The following RIMS3 variants were observed in gnomAD, a reference collection of about 807,000 sequenced individuals.
The protein encoded by RIMS3 is regulating synaptic membrane exocytosis 3.
In RIMS3, 15 loss-of-function variants were observed where a neutral mutation model predicts 29.2. That is an observed-to-expected ratio of 0.51 (90% CI 0.34 to 0.79). The LOEUF (loss-of-function observed/expected upper bound fraction) is 0.79, where lower values mean the gene tolerates loss of function less well. RIMS3 is among the 30% of genes least tolerant of loss of function. RIMS3 has a pLI of 0.01. For synonymous variants in RIMS3, 161 were observed against 170.1 expected (o/e 0.95, Z 0.41); for missense variants, 342 against 421.4 (o/e 0.81, Z 1.65).
At chr1:40,666,841 A>G (rs556233583), upstream of RIMS3, among the ~76,000 whole-genome samples, 1 of 152,264 alleles carries the variant, frequency 6.6e-6, no homozygotes, top group Non-Finnish European at 1.5e-5. Flanking sequence ...CCTGGCCAAC[A>G]TGGTGAAACC....
chr1:40,643,621 C>A (rs895592309), intron 2 of RIMS3, among the ~76,000 whole-genome samples: 1 of 151,870 alleles, frequency 6.6e-6, no homozygotes, highest in Admixed American at 6.6e-5. Flanking sequence ...GGATTACAGG[C>A]GTGCGCCACC....
the RIMS3 span, among the ~76,000 whole-genome samples, chr1:40,676,816 G>A: frequency 6.6e-6 from 1 of 152,044 alleles, no homozygotes; most frequent in Non-Finnish European, 1.5e-5. Context: ...ACTTTTCAGA[G>A]CATTTTAACA....
At chr1:40,659,698 G>A (rs1369894279) in intron 1 of RIMS3, among the ~76,000 whole-genome samples, 4 of 152,210 alleles carry the variant, frequency 2.6e-5, no homozygotes, top group African/African-American at 9.7e-5. Context: ...TTACTGTCTG[G>A]TTTTTAGGCT....
intron 6 of RIMS3, 51 bp downstream of exon 6, chr1:40,629,220 G>T: frequency 1.4e-6 from 2 of 1,476,700 alleles, no homozygotes; most frequent in Non-Finnish European, 1.9e-6. Flanking sequence ...TAGACCCAGA[G>T]CTCGGCTCTA....
chr1:40,676,845 GA>G, the RIMS3 span, among the ~76,000 whole-genome samples: 4 of 152,018 alleles, frequency 2.6e-5, no homozygotes, highest in African/African-American at 4.8e-5. Flanking sequence ...CTTACTTGAT[GA>G]AAAAAACTCA....
chr1:40,643,703 T>C (rs995125315), intron 2 of RIMS3, among the ~76,000 whole-genome samples: 1 of 152,166 alleles, frequency 6.6e-6, no homozygotes, highest in Non-Finnish European at 1.5e-5. Context: ...GGTCTCAAAC[T>C]CCTGATCTCA....
chr1:40,685,261 T>C, the RIMS3 span, among the ~76,000 whole-genome samples: 3 of 143,324 alleles, frequency 2.1e-5, no homozygotes, highest in African/African-American at 7.8e-5. Flanking sequence ...ATGCAATAAA[T>C]TTATTATGAA....
chr1:40,656,612 C>T (rs930684802), intron 1 of RIMS3, among the ~76,000 whole-genome samples: 4 of 151,898 alleles, frequency 2.6e-5, no homozygotes, highest in Non-Finnish European at 4.4e-5. Context: ...GGAGAAACTC[C>T]GTCTCCACTA....
At chr1:40,634,941 CAAAA>C (rs111853416) in intron 4 of RIMS3, among the ~76,000 whole-genome samples, 1 of 93,114 alleles carries the variant, frequency 1.1e-5, no homozygotes, top group Non-Finnish European at 2.2e-5. Context: ...AACTCCATCA[CAAAA>C]AAAAAAAAAA....
intron 1 of RIMS3, among the ~76,000 whole-genome samples, chr1:40,657,954 GAAT>G (rs997428664): frequency 2.0e-5 from 3 of 151,854 alleles, no homozygotes; most frequent in African/African-American, 7.3e-5. Context: ...AATAAAATGG[GAAT>G]AATAATAGTA....
At chr1:40,633,300 T>C in intron 4 of RIMS3, 119 bp from the exon 5 acceptor site, 1 of 700,834 alleles carries the variant, frequency 1.4e-6, no homozygotes, top group African/African-American at 1.7e-5. Context: ...TGTGCCTCAG[T>C]TTCTCCTCTA....
upstream of RIMS3, among the ~76,000 whole-genome samples, chr1:40,668,236 C>A (rs1475678338): frequency 1.7e-5 from 2 of 118,632 alleles, no homozygotes; most frequent in Admixed American, 9.7e-5. Context: ...GGTAACAGAG[C>A]AAGACTCTGT....
the RIMS3 span, chr1:40,691,698 A>G: frequency 4.4e-6 from 2 of 452,292 alleles, no homozygotes; most frequent in South Asian, 3.1e-5. Flanking sequence ...GAAAAGGGGA[A>G]ACGGTGCAAA....
intron 1 of RIMS3, among the ~76,000 whole-genome samples, chr1:40,655,304 T>C (rs1376061346): frequency 6.6e-6 from 1 of 152,020 alleles, no homozygotes; most frequent in Non-Finnish European, 1.5e-5. Context: ...CCCTGAGGCC[T>C]GTGTTATACA....
chr1:40,677,049 A>C, the RIMS3 span, among the ~76,000 whole-genome samples: 4 of 150,466 alleles, frequency 2.7e-5, no homozygotes, highest in Non-Finnish European at 5.9e-5. Flanking sequence ...CCCAGGCTGG[A>C]GTGCAGTGGT....
the RIMS3 span, among the ~76,000 whole-genome samples, chr1:40,676,665 GAAC>G: frequency 1.5e-4 from 23 of 152,022 alleles, no homozygotes; most frequent in Admixed American, 1.3e-3. Flanking sequence ...GGAAGAATTT[GAAC>G]AAAAAAAGTT....
intron 1 of RIMS3, among the ~76,000 whole-genome samples, chr1:40,649,305 A>G (rs929520824): frequency 2.0e-5 from 3 of 152,194 alleles, no homozygotes; most frequent in African/African-American, 7.2e-5. Context: ...ACGCAATCAT[A>G]TGTGCACACC....
At position 40,632,468 on chromosome 1, in the gene RIMS3, T is replaced by C. The variant is rs529938960; in HGVS notation, c.472+601A>G. Among the ~76,000 whole-genome samples, 461 of 137,836 alleles carry C rather than the reference T, an allele frequency of 3.3e-3. 8 individuals are homozygous for C. The highest frequency in any genetic ancestry group is 0.012 in the African/African-American group (441 of 37,580). 90.4% of individuals were successfully genotyped at this position (137,836 alleles called of 152,430 possible). On this transcript the variant is annotated intron_variant, in intron 5 of 7. Coordinates refer to ENST00000372684, the MANE Select transcript of RIMS3 (RefSeq NM_014747.3). Reference sequence around the variant, plus strand: ...TATATATATATATATATATATGCCATCTAGGTTTGTGTAAGTACACTCTAT... The same window carrying C: ...TATATATATATATATATATATGCCACCTAGGTTTGTGTAAGTACACTCTAT...
At chr1:40,627,076 TC>T (rs1178488213) in intron 7 of RIMS3, among the ~76,000 whole-genome samples, 1 of 152,142 alleles carries the variant, frequency 6.6e-6, no homozygotes, top group African/African-American at 2.4e-5. Context: ...GGTGTGTGAC[TC>T]CAGAGCCTCC....
Sources: allele counts gnomAD v4.1 joint callset (sites outside exome capture counted in the v4.1 genomes callset), GRCh38; gene constraint gnomAD v4.1.1; transcripts MANE v1.5; gene names NCBI Gene and HGNC (gene_info 2026-07-23, HGNC 2026-07-21).